The following MAGT1 variants were observed in gnomAD, a reference collection of about 807,000 sequenced individuals.
MAGT1 encodes dolichyl-diphosphooligosaccharide--protein glycosyltransferase subunit MAGT1.
A neutral mutation model predicts 28.4 loss-of-function variants in MAGT1; 4 were observed. The observed-to-expected ratio is 0.14, with a 90% confidence interval of 0.07 to 0.32. The LOEUF (loss-of-function observed/expected upper bound fraction) is 0.32, where lower values mean the gene tolerates loss of function less well. MAGT1 is among the 10% of genes least tolerant of loss of function. The pLI is 1.00. For synonymous variants in MAGT1, 89 were observed against 89.7 expected (o/e 0.99, Z 0.04); for missense variants, 193 against 264.5 (o/e 0.73, Z 1.88).
chrX:77,863,591 C>T (rs369752625), intron 3 of MAGT1, among the ~76,000 whole-genome samples: 25 of 111,705 alleles, frequency 2.2e-4, no homozygotes, highest in African/African-American at 8.1e-4. Context: ...AGCAATGCCA[C>T]TACTGGGTAT....
At chrX:77,880,401 T>C (rs1287522120) in intron 1 of MAGT1, among the ~76,000 whole-genome samples, 2 of 107,611 alleles carry the variant, frequency 1.9e-5, no homozygotes, top group Non-Finnish European at 3.8e-5. Context: ...TGATGGCGGG[T>C]GCCTGTAATC....
intron 2 of MAGT1, among the ~76,000 whole-genome samples, chrX:77,871,844 A>G (rs1462501526): frequency 9.1e-6 from 1 of 110,281 alleles, no homozygotes; most frequent in African/African-American, 3.3e-5. Flanking sequence ...TCCATCTCAA[A>G]AAAAAATTAT....
In MAGT1 at chrX:77,828,475, G is replaced by C. The variant is rs1013949527; in HGVS notation, c.*745C>G. 4 of 110,910 alleles carry C rather than the reference G, an allele frequency of 3.6e-5. No homozygotes were observed. The highest frequency in any genetic ancestry group is 1.9e-5 in the Non-Finnish European group (1 of 53,148). 9.1% of individuals were successfully genotyped at this position (110,910 alleles called of 1,213,427 possible). ...CCAGCTACTTGGGAAGCTGTGACAG[G>C]AGAATCGCTTAAACCTGGGAGGCAG... On this transcript the variant is annotated 3_prime_UTR_variant, in exon 10 of 10. Transcript: ENST00000618282.
chrX:77,870,491 G>A (rs1345019762), intron 3 of MAGT1, among the ~76,000 whole-genome samples: 2 of 111,064 alleles, frequency 1.8e-5, no homozygotes, highest in African/African-American at 6.5e-5. Flanking sequence ...ATTACATAAT[G>A]GTGGGACTCG....
intron 5 of MAGT1, 136 bp from the exon 6 acceptor site, chrX:77,855,726 T>C (rs1187426316): frequency 4.6e-6 from 2 of 438,620 alleles, no homozygotes; most frequent in Admixed American, 4.0e-5. Context: ...TTAAGGCTTA[T>C]ATTTCATCCC....
At chrX:77,887,304 G>A (rs1195862627) in intron 1 of MAGT1, among the ~76,000 whole-genome samples, 4 of 111,294 alleles carry the variant, frequency 3.6e-5, no homozygotes, top group African/African-American at 1.3e-4. Context: ...GCTATGTTGC[G>A]CAGGCTGGTC....
In MAGT1 at chrX:77,877,546, C is replaced by T. The variant is rs782599959; in HGVS notation, c.103-1949G>A. ...TTACTCTCTGGGCCGGGTGCGGTGG[C>T]TCACACCTGTAATCCCAGCACTTTG... On this transcript the variant is annotated intron_variant, in intron 1 of 9. Coordinates refer to ENST00000618282, the MANE Select transcript of MAGT1 (RefSeq NM_001367916.1). Among the ~76,000 whole-genome samples, 8 of 109,211 alleles carry T rather than the reference C, an allele frequency of 7.3e-5. No individual in the cohort carries two copies. In the East Asian group the frequency reaches 2.0e-3, roughly 27 times the overall value. The allele number at this position is 109,211 out of a possible 115,157, so 94.8% of individuals were successfully genotyped here. A position where few individuals can be genotyped will look rare whatever the true frequency, so the allele number is the denominator to read the frequency against.
intron 7 of MAGT1, among the ~76,000 whole-genome samples, chrX:77,844,069 T>C (rs1376016587): frequency 9.0e-6 from 1 of 111,493 alleles, no homozygotes; most frequent in Non-Finnish European, 1.9e-5. Context: ...TGTGAATCCA[T>C]CTGGTCCTGG....
chrX:77,856,618 T>A (rs1231338125), intron 5 of MAGT1, 115 bp downstream of exon 5: 1 of 706,085 alleles, frequency 1.4e-6, no homozygotes, highest in East Asian at 3.3e-5. Flanking sequence ...TATATAAAAC[T>A]ATTTTCCTCA....
At chrX:77,836,646 T>C (rs2076919432) in intron 8 of MAGT1, among the ~76,000 whole-genome samples, 1 of 112,330 alleles carries the variant, frequency 8.9e-6, no homozygotes. Context: ...CTCACGCCTG[T>C]AAATCACAGC....
chrX:77,889,339 T>G (rs1479491377), intron 1 of MAGT1, among the ~76,000 whole-genome samples: 2 of 102,908 alleles, frequency 1.9e-5, no homozygotes, highest in Admixed American at 1.1e-4. Flanking sequence ...TGTGTGTGTA[T>G]GTATGTGTAC....
At chrX:77,855,307 C>T (rs2076978760) in intron 6 of MAGT1, among the ~76,000 whole-genome samples, 194 bp downstream of exon 6, 2 of 110,442 alleles carry the variant, frequency 1.8e-5, no homozygotes, top group Non-Finnish European at 3.8e-5. Flanking sequence ...GAGCAAATCT[C>T]CGTTTCGAAA....
chrX:77,855,131 T>C (rs947863278), intron 6 of MAGT1, among the ~76,000 whole-genome samples: 1 of 110,663 alleles, frequency 9.0e-6, no homozygotes, highest in Non-Finnish European at 1.9e-5. Context: ...CTGACCAACA[T>C]GGAGAAACCC....
chrX:77,877,977 C>T (rs1281323618), intron 1 of MAGT1, among the ~76,000 whole-genome samples: 1 of 108,096 alleles, frequency 9.3e-6, no homozygotes, highest in Admixed American at 1.0e-4. Flanking sequence ...AACAGTTTGG[C>T]AGTCTTAAAA....
At chrX:77,890,974 G>A (rs1603365513) in intron 1 of MAGT1, among the ~76,000 whole-genome samples, 1 of 110,859 alleles carries the variant, frequency 9.0e-6, no homozygotes, top group Non-Finnish European at 1.9e-5. Flanking sequence ...TATGCATTGC[G>A]TGTTCATCAC....
At chrX:77,871,820 C>T (rs938581124) in intron 2 of MAGT1, among the ~76,000 whole-genome samples, 2 of 109,774 alleles carry the variant, frequency 1.8e-5, no homozygotes, top group South Asian at 3.9e-4. Context: ...CCAGCCTGGG[C>T]GACACAGCAA....
chrX:77,869,712 C>CAAA (rs781967181), intron 3 of MAGT1, among the ~76,000 whole-genome samples: 2 of 85,065 alleles, frequency 2.4e-5, no homozygotes, highest in Non-Finnish European at 4.7e-5. Flanking sequence ...ATAATTAAAG[C>CAAA]AAAAAAAAAA....
intron 3 of MAGT1, among the ~76,000 whole-genome samples, chrX:77,870,565 G>A (rs1168408496): frequency 9.0e-6 from 1 of 111,000 alleles, no homozygotes; most frequent in Admixed American, 9.7e-5. Flanking sequence ...GATAAAGTTT[G>A]TTTTATATAT....
intron 1 of MAGT1, 66 bp downstream of exon 1, chrX:77,895,243 G>A: frequency 8.8e-7 from 1 of 1,132,095 alleles, no homozygotes; most frequent in South Asian, 1.8e-5. Context: ...CTGGGAAGAG[G>A]CGAACAGACC....
Sources: gnomAD v4.1 joint callset for allele counts (sites outside exome capture counted in the v4.1 genomes callset) on GRCh38, gnomAD v4.1.1 for gene constraint, MANE v1.5 for transcripts, NCBI Gene and HGNC (gene_info 2026-07-23, HGNC 2026-07-21) for gene names.